The following ALK variants were observed in gnomAD, a reference collection of about 807,000 sequenced individuals.
The protein encoded by ALK is ALK receptor tyrosine kinase.
In ALK, 74 loss-of-function variants were observed where a neutral mutation model predicts 163.1. The observed-to-expected ratio is 0.45, with a 90% CI of 0.38 to 0.55. The LOEUF is 0.55. ALK is among the 20% of genes least tolerant of loss of function. ALK has a pLI of 0.00. For missense variants in ALK, 2,063 were observed against 2,105.3 expected, an observed-to-expected ratio of 0.98 and a Z score of 0.39; for synonymous variants, 960 against 843.2, an observed-to-expected ratio of 1.14 and a Z score of -2.40.
chr2:29,600,382 A>T (rs1675349443), intron 3 of ALK, among the ~76,000 whole-genome samples: 1 of 152,252 alleles, frequency 6.6e-6, no homozygotes, highest in Admixed American at 6.5e-5. Flanking sequence ...TCCATGGAAA[A>T]GAATAGGTGA....
intron 3 of ALK, among the ~76,000 whole-genome samples, chr2:29,569,822 A>T (rs1362009282): frequency 6.6e-6 from 1 of 152,174 alleles, no homozygotes; most frequent in Non-Finnish European, 1.5e-5. Context: ...GGGTCCCTGG[A>T]ACCCCACATC....
intron 9 of ALK, among the ~76,000 whole-genome samples, chr2:29,288,955 A>AAAATAAATAAAAAAAT (rs1665937331): frequency 7.5e-5 from 2 of 26,760 alleles, no homozygotes; most frequent in African/African-American, 1.1e-4. Context: ...CCTTCTCAAA[A>AAAATAAATAAAAAAAT]AAATAAATAA....
At position 29,621,809 on chromosome 2, in the gene ALK, G is replaced by A. The variant is rs553595619; in HGVS notation, c.952+73041C>T. ...TGAGGGCTGGACCTCTTAACCAATC[G>A]CCAGCATCATTGTGCGAATGAGTTT... On this transcript the variant is annotated intron_variant, in intron 3 of 28. Transcript: ENST00000389048. Among the ~76,000 whole-genome samples the A allele has an allele frequency of 3.3e-5, 5 of 152,242 alleles. No homozygotes were observed. In the South Asian group the frequency reaches 8.3e-4, roughly 25 times the overall value.
rs1172239019 is a variant in ALK at position 29,222,566 on chromosome 2, T to C, written c.3401A>G (p.Gln1134Arg). 6.2e-7 allele frequency: 1 copy of C among 1,614,106 alleles called. No homozygotes were observed. The highest frequency in any genetic ancestry group is 2.2e-5 in the East Asian group (1 of 44,872). ...TGGGTCGTTGGGCATTCCGGACACC[T>C]GGCCTTCATACACCTCCCCAAAGGC... ...HGAFGEVYEG[Q>R]VSGMPNDPSP... Residue 1134 changes from glutamine (Q) to arginine (R), a missense_variant, in exon 21 of 29, where the codon CAG becomes CGG. Transcript: ENST00000389048.
chr2:29,794,422 G>A lies in ALK; in HGVS notation c.668-76725C>T, dbSNP rs542923954. Among the ~76,000 whole-genome samples, 10 of 152,152 alleles carry A rather than the reference G, an allele frequency of 6.6e-5. No homozygotes were observed. In the East Asian group the frequency reaches 1.4e-3, roughly 21 times the overall value. On this transcript the variant is annotated intron_variant, in intron 1 of 28. Transcript: ENST00000389048. ...AAAAAATCATTTGTGTGTTCACTGGGGTAGCACTTTTAATTTTCAATAATT... is the reference window on the plus strand; with the variant it reads ...AAAAAATCATTTGTGTGTTCACTGGAGTAGCACTTTTAATTTTCAATAATT...
chr2:29,644,906 T>A (rs1315303810), intron 3 of ALK, among the ~76,000 whole-genome samples: 2 of 152,128 alleles, frequency 1.3e-5, no homozygotes, highest in Non-Finnish European at 1.5e-5. Context: ...TAGGAATATC[T>A]CATAAATATT....
chr2:29,755,129 T>C (rs1016736514), intron 1 of ALK, among the ~76,000 whole-genome samples: 2 of 152,194 alleles, frequency 1.3e-5, no homozygotes, highest in Non-Finnish European at 1.5e-5. Context: ...AGGGGGTCAG[T>C]GAGGAACCCT....
At chr2:29,403,596 G>T (rs1481082867) in intron 4 of ALK, among the ~76,000 whole-genome samples, 1 of 151,222 alleles carries the variant, frequency 6.6e-6, no homozygotes, top group African/African-American at 2.4e-5. Flanking sequence ...GGGTGGGGGC[G>T]CTGGCATGCT....
chr2:29,536,099 T>C (rs191612093), intron 3 of ALK, among the ~76,000 whole-genome samples: 27 of 152,322 alleles, frequency 1.8e-4, no homozygotes, highest in Non-Finnish European at 3.7e-4. Context: ...TGCAACACAA[T>C]GCTTGCCACA....
chr2:29,381,720 C>T (rs1328076414), intron 5 of ALK, among the ~76,000 whole-genome samples: 1 of 152,226 alleles, frequency 6.6e-6, no homozygotes, highest in Non-Finnish European at 1.5e-5. Context: ...ATCCCCTCTT[C>T]TTCTGGCTTA....
intron 4 of ALK, among the ~76,000 whole-genome samples, chr2:29,528,938 G>C (rs7597820): frequency 0.46 from 69,985 of 151,964 alleles, 16,794 homozygotes; most frequent in East Asian, 0.6. Flanking sequence ...GCACTCATCT[G>C]TCTGTCCCCT....
chr2:29,476,533 G>A (rs62131820), intron 4 of ALK, among the ~76,000 whole-genome samples: 37,339 of 151,990 alleles, frequency 0.25, 5,749 homozygotes, highest in Non-Finnish European at 0.34. Context: ...AAAAAACTCC[G>A]TGTACCCACA....
At position 29,222,516 on chromosome 2, in the gene ALK, C is replaced by T. The variant is rs1558622955; in HGVS notation, c.3450+1G>A. On this transcript the variant is annotated splice_donor_variant, in intron 21 of 28. Transcript: ENST00000389048. LOFTEE classifies it high-confidence loss of function. ...AGGCTCAAGAGTGAGCCACTTCTTA[C>T]CTTCACAGCCACTTGCAGGGGGCTT... 1 of 1,614,044 alleles carries T rather than the reference C, an allele frequency of 6.2e-7. No homozygotes were observed. The highest frequency in any genetic ancestry group is 1.7e-5 in the Admixed American group (1 of 60,006).
intron 1 of ALK, among the ~76,000 whole-genome samples, chr2:29,853,963 G>T (rs906673178): frequency 6.6e-6 from 1 of 150,714 alleles, no homozygotes; most frequent in African/African-American, 2.4e-5. Flanking sequence ...AGGCTGGAGT[G>T]CAGTGGCACG....
intron 4 of ALK, among the ~76,000 whole-genome samples, chr2:29,446,501 C>CA (rs1309031864): frequency 6.6e-6 from 1 of 152,134 alleles, no homozygotes; most frequent in Non-Finnish European, 1.5e-5. Context: ...ACCCTGCCCC[C>CA]AAAGAGTTCC....
intron 3 of ALK, among the ~76,000 whole-genome samples, chr2:29,569,564 C>T (rs1245353947): frequency 2.7e-5 from 2 of 75,196 alleles, no homozygotes. Context: ...CCCTTTTCTT[C>T]CCCCCCCCTA....
chr2:29,789,601 A>G (rs1664136007), intron 1 of ALK, among the ~76,000 whole-genome samples: 1 of 152,222 alleles, frequency 6.6e-6, no homozygotes, highest in South Asian at 2.1e-4. Context: ...AACTTCTGTC[A>G]TAAACCAAAC....
intron 7 of ALK, among the ~76,000 whole-genome samples, chr2:29,320,176 C>T (rs1666977357): frequency 1.3e-5 from 2 of 152,194 alleles, no homozygotes. Context: ...GCGTGGAGGC[C>T]CTTTGCTCTC....
Position 29,251,134 on chromosome 2 carries a change from G to T in ALK, c.2175C>A (p.Ile725=). Residue 725 remains isoleucine (I), a synonymous_variant, in exon 12 of 29, where the codon ATC becomes ATA. Coordinates refer to ENST00000389048, the MANE Select transcript of ALK (RefSeq NM_004304.5). The stretch of plus-strand genomic sequence containing the variant: ...AGGTGTCGGTGGCTGGCACCTTCCA[G>T]ATCTGGATGCCTTTCAGGGGGCCCT... ...GSEGPLKGIQ[I]WKVPATDTYS... 2 of 1,614,108 alleles carry T rather than the reference G, an allele frequency of 1.2e-6. No individual in the cohort carries two copies. Among genetic ancestry groups the T allele is most frequent in the Non-Finnish European group, 1.7e-6 (2 of 1,180,008 alleles).
Sources: gnomAD v4.1 joint callset for allele counts (sites outside exome capture counted in the v4.1 genomes callset) on GRCh38, gnomAD v4.1.1 for gene constraint, MANE v1.5 for transcripts, NCBI Gene and HGNC (gene_info 2026-07-23, HGNC 2026-07-21) for gene names.